The following SLC9A9 variants were observed in gnomAD, a reference collection of about 807,000 sequenced individuals.
SLC9A9 encodes the protein solute carrier family 9 member A9.
Under a neutral mutation model 77.8 loss-of-function variants are expected in SLC9A9, and 62 were observed. The observed-to-expected ratio is 0.80, with a 90% confidence interval of 0.65 to 0.98. The LOEUF is 0.98. Among genes scored for constraint, SLC9A9 ranks in the 50% least tolerant of loss-of-function variants. SLC9A9 has a pLI of 0.00. For synonymous variants in SLC9A9, 320 were observed against 283.5 expected, an observed-to-expected ratio of 1.13 and a Z score of -1.29; for missense variants, 775 against 774.9, an observed-to-expected ratio of 1.00 and a Z score of 0.00.
rs2037179611 is a variant in SLC9A9, at chr3:143,566,983, T to C, written c.1000+7105A>G. On this transcript the variant is annotated intron_variant, in intron 8 of 15. Coordinates refer to ENST00000316549, the MANE Select transcript of SLC9A9 (RefSeq NM_173653.4). ...ACAGGATTCAATTCCATTGGAGATA[T>C]GCTATAAATAATACTGCTGAAGTAT... 2.0e-5 allele frequency among the ~76,000 whole-genome samples: 3 copies of C among 152,154 alleles called. 1 individual carries two copies. In the South Asian group the frequency reaches 6.2e-4, roughly 32 times the overall value.
intron 12 of SLC9A9, among the ~76,000 whole-genome samples, chr3:143,421,769 C>T (rs891284179): frequency 2.0e-5 from 3 of 152,110 alleles, no homozygotes; most frequent in East Asian, 1.9e-4. Context: ...AGCTTTTGCA[C>T]AGCAAACGAA....
intron 2 of SLC9A9, among the ~76,000 whole-genome samples, chr3:143,819,734 C>A (rs925752808): frequency 6.6e-6 from 1 of 152,150 alleles, no homozygotes; most frequent in African/African-American, 2.4e-5. Context: ...TTACTATTTG[C>A]CAATTAGTCA....
chr3:143,474,814 G>A (rs1321590263), intron 11 of SLC9A9, among the ~76,000 whole-genome samples: 1 of 93,546 alleles, frequency 1.1e-5, no homozygotes, highest in East Asian at 1.9e-4. Flanking sequence ...TTTGAACCAG[G>A]TTTGTTCTTG....
chr3:143,760,653 C>G (rs1048807559), intron 4 of SLC9A9, among the ~76,000 whole-genome samples: 1 of 152,104 alleles, frequency 6.6e-6, no homozygotes, highest in Non-Finnish European at 1.5e-5. Flanking sequence ...AGGACCTCTT[C>G]AAGGAGAACT....
At chr3:143,471,833 G>A (rs1422474448) in intron 11 of SLC9A9, among the ~76,000 whole-genome samples, 1 of 152,096 alleles carries the variant, frequency 6.6e-6, no homozygotes, top group Non-Finnish European at 1.5e-5. Flanking sequence ...AATTAAATGT[G>A]GTTTCATTTA....
intron 14 of SLC9A9, among the ~76,000 whole-genome samples, chr3:143,338,297 A>G (rs2031987108): frequency 1.3e-5 from 2 of 152,208 alleles, no homozygotes; most frequent in Admixed American, 1.3e-4. Flanking sequence ...CAGCTTGCAC[A>G]AGGAATGTGA....
chr3:143,519,425 G>A (rs2036258854), intron 9 of SLC9A9, among the ~76,000 whole-genome samples: 1 of 152,186 alleles, frequency 6.6e-6, no homozygotes, highest in African/African-American at 2.4e-5. Flanking sequence ...ACCTAGAAAG[G>A]TTGGAGCAAG....
chr3:143,814,529 C>G (rs1056725669), intron 2 of SLC9A9, among the ~76,000 whole-genome samples: 1 of 152,166 alleles, frequency 6.6e-6, no homozygotes, highest in African/African-American at 2.4e-5. Context: ...AGCTGCCACT[C>G]CTTCATGCAG....
At chr3:143,377,657 T>C (rs2033210591) in intron 13 of SLC9A9, among the ~76,000 whole-genome samples, 2 of 152,160 alleles carry the variant, frequency 1.3e-5, no homozygotes, top group African/African-American at 4.8e-5. Context: ...AAAATGAAAT[T>C]GTATGAAAAA....
chr3:143,574,723 TA>T (rs142342754), intron 7 of SLC9A9, among the ~76,000 whole-genome samples: 2,614 of 152,206 alleles, frequency 0.017, 76 homozygotes, highest in African/African-American at 0.06. Flanking sequence ...ATAAGTAGGA[TA>T]AGGAGAAGGT....
At chr3:143,521,092 T>C (rs2036292094) in intron 9 of SLC9A9, among the ~76,000 whole-genome samples, 1 of 152,210 alleles carries the variant, frequency 6.6e-6, no homozygotes, top group African/African-American at 2.4e-5. Flanking sequence ...GCAAAAGTTC[T>C]TTATTTTAAG....
intron 14 of SLC9A9, among the ~76,000 whole-genome samples, chr3:143,331,784 G>C (rs1227149819): frequency 6.6e-6 from 1 of 152,106 alleles, no homozygotes; most frequent in African/African-American, 2.4e-5. Context: ...TGTATATTAG[G>C]GGAGTTGAGC....
chr3:143,668,568 T>A (rs1560022570), intron 5 of SLC9A9, among the ~76,000 whole-genome samples: 1 of 152,206 alleles, frequency 6.6e-6, no homozygotes, highest in Non-Finnish European at 1.5e-5. Context: ...CTTCCTTTTT[T>A]GAATAGAACT....
At chr3:143,296,718 T>A (rs1449331199) in intron 14 of SLC9A9, among the ~76,000 whole-genome samples, 1 of 152,232 alleles carries the variant, frequency 6.6e-6, no homozygotes, top group Non-Finnish European at 1.5e-5. Context: ...TTTTTTATAA[T>A]AGCCATCCTA....
At chr3:143,352,044 G>A (rs915929794) in intron 14 of SLC9A9, among the ~76,000 whole-genome samples, 19 of 152,074 alleles carry the variant, frequency 1.2e-4, no homozygotes, top group African/African-American at 4.3e-4. Flanking sequence ...GGTACTCTGG[G>A]GACTTCTCTT....
intron 4 of SLC9A9, among the ~76,000 whole-genome samples, chr3:143,763,932 G>A (rs1220256107): frequency 2.0e-5 from 3 of 151,932 alleles, no homozygotes; most frequent in African/African-American, 7.3e-5. Context: ...TTTTTAACTA[G>A]GAGAATCCAT....
intron 6 of SLC9A9, among the ~76,000 whole-genome samples, chr3:143,618,371 A>G (rs2038142931): frequency 1.3e-5 from 2 of 152,180 alleles, no homozygotes; most frequent in African/African-American, 4.8e-5. Context: ...TTCGATGCCA[A>G]TGGTCAGAGC....
intron 4 of SLC9A9, among the ~76,000 whole-genome samples, chr3:143,698,821 A>C (rs1226359450): frequency 6.6e-6 from 1 of 152,232 alleles, no homozygotes; most frequent in Non-Finnish European, 1.5e-5. Context: ...TGTGTGGACC[A>C]GTCCCATTAA....
chr3:143,828,513 A>G (rs1900644), intron 2 of SLC9A9, among the ~76,000 whole-genome samples: 149,249 of 152,200 alleles, frequency 0.98, 73,187 homozygotes, highest in East Asian at 1. Flanking sequence ...ATTTCAGATG[A>G]TGTCAAGTAC....
Sources: allele counts gnomAD v4.1 joint callset (sites outside exome capture counted in the v4.1 genomes callset), GRCh38; gene constraint gnomAD v4.1.1; transcripts MANE v1.5; gene names NCBI Gene and HGNC (gene_info 2026-07-23, HGNC 2026-07-21).